Variants in UBAC2 observed in about 807,000 individuals in gnomAD.
UBAC2 encodes ubiquitin-associated domain-containing protein 2.
In UBAC2, 26 loss-of-function variants were observed where a neutral mutation model predicts 44.0. That is an observed-to-expected ratio of 0.59 (90% CI 0.43 to 0.82). The LOEUF (loss-of-function observed/expected upper bound fraction) is 0.82, where lower values mean the gene tolerates loss of function less well. Ranked by LOEUF, UBAC2 falls within the 40% of genes least tolerant of loss-of-function variation. UBAC2 has a pLI of 0.00. For missense variants in UBAC2, 329 were observed against 419.4 expected (o/e 0.78, Z 1.88); for synonymous variants, 155 against 154.3 (o/e 1.00, Z -0.04).
At chr13:99,358,826 G>A (rs2045225555) in intron 7 of UBAC2, among the ~76,000 whole-genome samples, 1 of 152,172 alleles carries the variant, frequency 6.6e-6, no homozygotes, top group Non-Finnish European at 1.5e-5. Flanking sequence ...CACAGCAAGA[G>A]ATATGGGGTG....
intron 4 of UBAC2, among the ~76,000 whole-genome samples, chr13:99,306,907 CT>C (rs2044345338): frequency 6.6e-6 from 1 of 152,124 alleles, no homozygotes; most frequent in African/African-American, 2.4e-5. Flanking sequence ...AATTCTACCC[CT>C]GAGATTCTAT....
rs900443452 is a variant in UBAC2 at position 99,380,641 on chromosome 13, G to T, written c.928-4587G>T. ...GAACACCTATCCCCTGACCCTTCTC[G>T]TCCTTGCTGGCTGGTTGTCATCGCA... On this transcript the variant is annotated intron_variant, in intron 8 of 8. Transcript: ENST00000403766. Among the ~76,000 whole-genome samples, 3 of 152,242 alleles carry T rather than the reference G, an allele frequency of 2.0e-5. No homozygotes were observed. The South Asian group carries it at 6.2e-4, about 32-fold the overall frequency.
intron 6 of UBAC2, among the ~76,000 whole-genome samples, chr13:99,321,147 G>T (rs146073124): frequency 5.3e-5 from 8 of 152,238 alleles, no homozygotes; most frequent in African/African-American, 1.7e-4. Flanking sequence ...TGGTTTTTAA[G>T]AAAAAGAGTA....
At chr13:99,346,984 A>G (rs2044993508) in intron 7 of UBAC2, among the ~76,000 whole-genome samples, 1 of 152,188 alleles carries the variant, frequency 6.6e-6, no homozygotes, top group Non-Finnish European at 1.5e-5. Context: ...CAGGGCTGGA[A>G]ACATCTACAG....
intron 1 of UBAC2, among the ~76,000 whole-genome samples, chr13:99,207,208 T>G (rs1356464058): frequency 6.6e-6 from 1 of 152,178 alleles, no homozygotes; most frequent in African/African-American, 2.4e-5. Flanking sequence ...GGGCAGAGTA[T>G]AGAGGTGTAG....
At chr13:99,362,864 T>G (rs2045283988) in intron 7 of UBAC2, among the ~76,000 whole-genome samples, 1 of 152,228 alleles carries the variant, frequency 6.6e-6, no homozygotes. Flanking sequence ...CAGTAACAAT[T>G]GAACTTTTAA....
chr13:99,254,873 T>C (rs750822967), intron 4 of UBAC2: 3 of 1,601,132 alleles, frequency 1.9e-6, no homozygotes, highest in South Asian at 2.2e-5. Flanking sequence ...AAGAACCTTA[T>C]TATTCATAAC....
chr13:99,247,873 C>T (rs202099334), intron 4 of UBAC2, among the ~76,000 whole-genome samples: 3 of 148,728 alleles, frequency 2.0e-5, no homozygotes, highest in African/African-American at 5.0e-5. Flanking sequence ...CTCTCTCTCT[C>T]TTTTTTTTTT....
Position 99,255,640 on chromosome 13 carries a change from C to A in UBAC2, c.389+11016C>A, listed in dbSNP as rs367795735. The A allele has an allele frequency of 1.9e-6, 3 of 1,613,956 alleles. 1 individual carries two copies. The South Asian group carries it at 3.3e-5, about 18-fold the overall frequency. Reference sequence around the variant, plus strand: ...TTCATCTTTTGCATAATAAAACATTCGAAAGGGTAAAGTCATTATAAATAT... The same window carrying A: ...TTCATCTTTTGCATAATAAAACATTAGAAAGGGTAAAGTCATTATAAATAT... On this transcript the variant is annotated intron_variant, in intron 4 of 8. Coordinates refer to ENST00000403766, the MANE Select transcript of UBAC2 (RefSeq NM_001144072.2).
chr13:99,221,055 A>G (rs1008173132), intron 1 of UBAC2, among the ~76,000 whole-genome samples: 1 of 152,186 alleles, frequency 6.6e-6, no homozygotes, highest in Non-Finnish European at 1.5e-5. Context: ...ATATTTTTCT[A>G]CAACCTATTG....
At chr13:99,331,011 G>A (rs1339049320) in intron 6 of UBAC2, among the ~76,000 whole-genome samples, 1 of 152,196 alleles carries the variant, frequency 6.6e-6, no homozygotes, top group African/African-American at 2.4e-5. Flanking sequence ...TTCTCCATGT[G>A]CTAGAGACTC....
At chr13:99,383,284 T>C (rs1339248521) in intron 8 of UBAC2, among the ~76,000 whole-genome samples, 1 of 152,278 alleles carries the variant, frequency 6.6e-6, no homozygotes, top group Non-Finnish European at 1.5e-5. Context: ...TCTCAAATCC[T>C]GCCTGACCTT....
At chr13:99,207,296 T>C (rs1190041596) in intron 1 of UBAC2, among the ~76,000 whole-genome samples, 2 of 152,236 alleles carry the variant, frequency 1.3e-5, no homozygotes, top group African/African-American at 4.8e-5. Context: ...AGTTAGTATG[T>C]GTGGAGCTCC....
chr13:99,274,734 T>G (rs80113139), intron 4 of UBAC2, among the ~76,000 whole-genome samples: 1 of 150,608 alleles, frequency 6.6e-6, no homozygotes, highest in East Asian at 2.0e-4. Context: ...TTTTTTTTTT[T>G]TGAGACAGGG....
chr13:99,359,861 C>A (rs2045241222), intron 7 of UBAC2, among the ~76,000 whole-genome samples: 1 of 152,200 alleles, frequency 6.6e-6, no homozygotes, highest in Non-Finnish European at 1.5e-5. Context: ...CAGAACCTTC[C>A]CTGCATGGTG....
At chr13:99,253,385 A>C (rs2043484917) in intron 4 of UBAC2, among the ~76,000 whole-genome samples, 3 of 152,310 alleles carry the variant, frequency 2.0e-5, no homozygotes, top group Admixed American at 6.5e-5. Context: ...TTATATTTCG[A>C]ACAGAAGAAT....
At chr13:99,330,779 A>T (rs1321626816) in intron 6 of UBAC2, among the ~76,000 whole-genome samples, 2 of 152,212 alleles carry the variant, frequency 1.3e-5, no homozygotes, top group East Asian at 3.8e-4. Context: ...GGCTGTATCT[A>T]TAAATCCACA....
At chr13:99,306,093 A>G (rs1413136458) in intron 4 of UBAC2, among the ~76,000 whole-genome samples, 1 of 152,028 alleles carries the variant, frequency 6.6e-6, no homozygotes, top group Non-Finnish European at 1.5e-5. Context: ...ATGGGGTTTC[A>G]CCATGTTGGC....
At chr13:99,381,999 GA>G (rs2045557543) in intron 8 of UBAC2, among the ~76,000 whole-genome samples, 1 of 152,206 alleles carries the variant, frequency 6.6e-6, no homozygotes, top group South Asian at 2.1e-4. Flanking sequence ...ATCAGCTTAT[GA>G]GAGATGTTGG....
Sources: allele counts gnomAD v4.1 joint callset (sites outside exome capture counted in the v4.1 genomes callset), GRCh38; gene constraint gnomAD v4.1.1; transcripts MANE v1.5; gene names NCBI Gene and HGNC (gene_info 2026-07-23, HGNC 2026-07-21).